ASAP1: variants seen among roughly 807,000 people sequenced by gnomAD.
ASAP1 encodes the protein ArfGAP with SH3 domain, ankyrin repeat and PH domain 1.
In ASAP1, 43 loss-of-function variants were observed where a neutral mutation model predicts 145.2. The ratio of observed to expected loss-of-function variants is 0.30; its 90% CI spans 0.23 to 0.38. The LOEUF (loss-of-function observed/expected upper bound fraction) is 0.38. ASAP1 is among the 10% of genes least tolerant of loss of function. ASAP1 has a pLI of 1.00. For synonymous variants in ASAP1, 546 were observed against 515.5 expected (o/e 1.06, Z -0.80); for missense variants, 1,018 against 1,355.3 (o/e 0.75, Z 3.91).
chr8:130,246,443 G>A (rs2136788317), intron 3 of ASAP1, among the ~76,000 whole-genome samples: 1 of 152,260 alleles, frequency 6.6e-6, no homozygotes, highest in African/African-American at 2.4e-5. Flanking sequence ...GGTGGGAGGT[G>A]ACTGGATCAT....
At chr8:130,057,925 G>A (rs1337154847) in intron 29 of ASAP1, 29 bp downstream of exon 29, 12 of 1,611,840 alleles carry the variant, frequency 7.4e-6, no homozygotes, top group Middle Eastern at 1.7e-4. Flanking sequence ...ATGAATGTAC[G>A]GATGAAGTGG....
At chr8:130,442,285 G>T (rs1180896133) in intron 1 of ASAP1, among the ~76,000 whole-genome samples, 1 of 152,182 alleles carries the variant, frequency 6.6e-6, no homozygotes, top group Non-Finnish European at 1.5e-5. Context: ...TGAAGAAGTG[G>T]AAACTACTCC....
At chr8:130,418,895 G>C (rs1452120466) in intron 1 of ASAP1, among the ~76,000 whole-genome samples, 1 of 151,918 alleles carries the variant, frequency 6.6e-6, no homozygotes, top group African/African-American at 2.4e-5. Flanking sequence ...TCAATCCCTG[G>C]AATCACTGCT....
At chr8:130,130,239 A>G (rs2097580983) in intron 15 of ASAP1, among the ~76,000 whole-genome samples, 1 of 152,226 alleles carries the variant, frequency 6.6e-6, no homozygotes, top group Non-Finnish European at 1.5e-5. Context: ...GTTAGGGTTT[A>G]TAATACTTTA....
chr8:130,072,825 G>GTGTGTGTGTGTGTGTGTGTGCGCA, intron 27 of ASAP1, among the ~76,000 whole-genome samples: 2 of 54,112 alleles, frequency 3.7e-5, no homozygotes, highest in African/African-American at 9.1e-5. Flanking sequence ...GTGTGTGTGT[G>GTGTGTGTGTGTGTGTGTGTGCGCA]CGCGCGGGGG....
intron 4 of ASAP1, among the ~76,000 whole-genome samples, chr8:130,220,960 A>T (rs926076766): frequency 1.3e-5 from 2 of 152,170 alleles, no homozygotes; most frequent in Non-Finnish European, 2.9e-5. Flanking sequence ...CCATGATTCA[A>T]TAACTTCCTA....
Position 130,358,778 on chromosome 8 carries a change from C to A in ASAP1, c.60-635G>T, listed in dbSNP as rs1826537443. Among the ~76,000 whole-genome samples the A allele has an allele frequency of 6.8e-6, 1 of 147,678 alleles. No homozygotes were observed. Among genetic ancestry groups the A allele is most frequent in the South Asian group, 2.1e-4 (1 of 4,758 alleles). Reference sequence around the variant, plus strand: ...CCCCGCCCCCGCTCGCGCACAGCCCCTGGGGCCTGGCTCCGAAGCTGCCGC... The same window carrying A: ...CCCCGCCCCCGCTCGCGCACAGCCCATGGGGCCTGGCTCCGAAGCTGCCGC... On this transcript the variant is annotated intron_variant, in intron 2 of 29. Transcript: ENST00000518721. This position sits in a 1 kb window ranked among gnomAD's most constrained non-coding sequence, Gnocchi z 4.1.
intron 1 of ASAP1, among the ~76,000 whole-genome samples, chr8:130,419,884 GCA>G (rs1306699429): frequency 2.0e-5 from 3 of 151,600 alleles, no homozygotes; most frequent in Non-Finnish European, 2.9e-5. Context: ...TCAAAACTAG[GCA>G]CACACAGGAG....
At position 130,128,056 on chromosome 8, in the gene ASAP1, C is replaced by T. The variant is rs777132897; in HGVS notation, c.1252G>A (p.Ala418Thr). The T allele has an allele frequency of 6.2e-7, 1 of 1,610,272 alleles. No homozygotes were observed. The highest frequency in any genetic ancestry group is 8.5e-7 in the Non-Finnish European group (1 of 1,178,548). Residue 418 changes from alanine to threonine, a missense_variant, in exon 16 of 30, where the codon GCC (alanine) becomes ACC (threonine). Physicochemically the swap from Ala to Thr is moderately conservative, Grantham distance 58 (BLOSUM62 0). This residue lies in a region of ASAP1 where 153 missense variants were observed against 221.6 expected (regional missense o/e 0.69). Coordinates refer to ENST00000518721, the MANE Select transcript of ASAP1 (RefSeq NM_018482.4). Reference sequence around the variant, plus strand: ...TCTCCACGGAAGGCCATGGTTAGGGCCTCTTCTTTGCTATTTGTCAATACT... The same window carrying T: ...TCTCCACGGAAGGCCATGGTTAGGGTCTCTTCTTTGCTATTTGTCAATACT... Reference protein sequence around the residue: ...ISVLTNSKEEALTMAFRGEQS... With the variant: ...ISVLTNSKEETLTMAFRGEQS...
chr8:130,128,374 C>T (rs1366389257), intron 15 of ASAP1, among the ~76,000 whole-genome samples: 4 of 151,654 alleles, frequency 2.6e-5, no homozygotes, highest in Non-Finnish European at 5.9e-5. Flanking sequence ...AGGACTTGAA[C>T]GAATATACAA....
chr8:130,061,412 A>C (rs569683486), intron 27 of ASAP1, among the ~76,000 whole-genome samples: 2 of 152,306 alleles, frequency 1.3e-5, no homozygotes, highest in Admixed American at 1.3e-4. Flanking sequence ...TCTTTTATAT[A>C]GTTCCTTTTA....
rs1017451488 is a variant in ASAP1 at position 130,117,017 on chromosome 8, A to G, written c.1881-22T>C. On this transcript the variant is annotated intron_variant, in intron 20 of 29. Transcript: ENST00000518721. The stretch of plus-strand genomic sequence containing the variant: ...CCCACTGAAAAATTAGATGATGATT[A>G]GAAAAAAATGACTTACTTTATAACT... The G allele has an allele frequency of 5.2e-6, 8 of 1,548,226 alleles. No homozygotes were observed. The Admixed American group carries it at 9.2e-5, about 18-fold the overall frequency.
intron 2 of ASAP1, among the ~76,000 whole-genome samples, chr8:130,367,693 T>A (rs1046588217): frequency 6.6e-6 from 1 of 152,182 alleles, no homozygotes; most frequent in African/African-American, 2.4e-5. Context: ...TTGACATCAG[T>A]GTGACTACCA....
At chr8:130,303,656 A>T (rs1465671536) in intron 3 of ASAP1, among the ~76,000 whole-genome samples, 1 of 152,222 alleles carries the variant, frequency 6.6e-6, no homozygotes, top group Non-Finnish European at 1.5e-5. Flanking sequence ...AAGTGAAAAA[A>T]GTCAATCTGA....
At position 130,115,731 on chromosome 8, in the gene ASAP1, G is replaced by A; in HGVS notation, c.2069C>T (p.Ser690Phe). 1 of 1,610,714 alleles carries A rather than the reference G, an allele frequency of 6.2e-7. No individual in the cohort carries two copies. The highest frequency in any genetic ancestry group is 2.2e-5 in the East Asian group (1 of 44,850). ...LKATQCEDLL[S>F]QAKSGKFNPH... ...ATTGAACTTTCCAGATTTAGCCTGG[G>A]AAAGCTGGAAGGAACAGCAAATGTG... Residue 690 changes from serine (S) to phenylalanine (F), a missense_variant, in exon 23 of 30, where the codon TCC becomes TTC. By Grantham distance (155) the Ser-to-Phe change is radical (BLOSUM62 -2). Transcript: ENST00000518721.
At chr8:130,349,487 TACTG>T (rs1825875610) in intron 3 of ASAP1, among the ~76,000 whole-genome samples, 1 of 152,236 alleles carries the variant, frequency 6.6e-6, no homozygotes, top group African/African-American at 2.4e-5. Context: ...ACTTTACAGA[TACTG>T]ACTCACTGAG....
chr8:130,186,510 GTAA>G (rs1166337063), intron 7 of ASAP1, among the ~76,000 whole-genome samples: 1 of 151,998 alleles, frequency 6.6e-6, no homozygotes, highest in African/African-American at 2.4e-5. Flanking sequence ...ATGTCTCAGG[GTAA>G]TAATAATAAA....
chr8:130,148,495 G>A (rs1015240991), intron 13 of ASAP1, among the ~76,000 whole-genome samples: 2 of 152,208 alleles, frequency 1.3e-5, no homozygotes, highest in African/African-American at 4.8e-5. Context: ...TGCCTATCCT[G>A]TAGGGCCATC....
intron 1 of ASAP1, among the ~76,000 whole-genome samples, chr8:130,414,759 C>CT (rs548202897): frequency 0.024 from 3,405 of 140,360 alleles, 113 homozygotes; most frequent in African/African-American, 0.074. Context: ...TTCTATAACT[C>CT]TTTTTTTTTT....
Sources: allele counts gnomAD v4.1 joint callset (sites outside exome capture counted in the v4.1 genomes callset), GRCh38; gene constraint gnomAD v4.1.1; regional missense constraint gnomAD v4.1.1; non-coding constraint Gnocchi (gnomAD v3.1); transcripts MANE v1.5; gene names NCBI Gene and HGNC (gene_info 2026-07-23, HGNC 2026-07-21).